Variants in ZNF888 observed in about 807,000 individuals in gnomAD.
ZNF888 encodes the protein CTD-2331H12.6.
In ZNF888, 5 loss-of-function variants were observed where a neutral mutation model predicts 7.2. The observed-to-expected ratio is 0.70, with a 90% CI of 0.36 to 1.46. ZNF888 has a LOEUF of 1.46. ZNF888 is among the 40% of genes most tolerant of loss of function. The pLI, the probability that ZNF888 is intolerant of heterozygous loss-of-function variation, is 0.03. For missense variants in ZNF888, 716 were observed against 858.0 expected (o/e 0.83, Z 2.07); for synonymous variants, 240 against 284.3 (o/e 0.84, Z 1.57).
In ZNF888 at chr19:52,906,074, T is replaced by G; in HGVS notation, c.*91A>C. The G allele has an allele frequency of 1.1e-5, 17 of 1,596,910 alleles. No homozygotes were observed. The highest frequency in any genetic ancestry group is 1.5e-5 in the Non-Finnish European group (17 of 1,165,530). On this transcript the variant is annotated 3_prime_UTR_variant, in exon 5 of 5. Transcript: ENST00000638862. ...CGATGTCTGAAAAATTTGCCACATT[T>G]ACTACACTTGTAAGATCTCTATTCA...
At chr19:52,918,165 CCCTT>C (rs2064772661) in intron 2 of ZNF888, 1 of 985,254 alleles carries the variant, frequency 1.0e-6, no homozygotes, top group African/African-American at 1.7e-5. Flanking sequence ...GAATGAGCTC[CCCTT>C]CAAGGCACAG....
At chr19:52,910,887 T>G (rs748132123) in intron 4 of ZNF888, among the ~76,000 whole-genome samples, 1 of 152,196 alleles carries the variant, frequency 6.6e-6, no homozygotes. Flanking sequence ...CCTCAAGTGA[T>G]TCTCCCTCCT....
At position 52,907,092 on chromosome 19, in the gene ZNF888, G is replaced by A. The variant is rs1600675111; in HGVS notation, c.1230C>T (p.Tyr410=). 7.4e-6 allele frequency: 12 copies of A among 1,612,238 alleles called. No homozygotes were observed. In the South Asian group the frequency reaches 1.3e-4, roughly 18 times the overall value. Residue 410 remains tyrosine (Y), a synonymous_variant, in exon 5 of 5, where the codon TAC becomes TAT. Transcript: ENST00000638862. ...HIVIHTREKP[Y]KCNECGKTFG... ...ACGTTTTGCCACACTCATTACACTTGTAAGGTTTCTCTCTAGTGTGAATTA... is the reference window on the plus strand; with the variant it reads ...ACGTTTTGCCACACTCATTACACTTATAAGGTTTCTCTCTAGTGTGAATTA...
At position 52,922,757 on chromosome 19, in the gene ZNF888, C is replaced by T. The variant is rs559794907; in HGVS notation, c.-178+612G>A. ...GGGTTTGGAGTAAGACGCCTGCATC[C>T]CAGAGAAGCGCATTTTCCAGGGGCT... On this transcript the variant is annotated intron_variant, in intron 1 of 4. Transcript: ENST00000638862. Among the ~76,000 whole-genome samples the T allele has an allele frequency of 5.3e-5, 8 of 152,274 alleles. No homozygotes were observed. The South Asian group carries it at 1.5e-3, about 28-fold the overall frequency.
In ZNF888 at chr19:52,913,799, T is replaced by C. The variant is rs1399132605; in HGVS notation, c.142+1397A>G. On this transcript the variant is annotated intron_variant, in intron 4 of 4. Coordinates refer to ENST00000638862, the MANE Select transcript of ZNF888 (RefSeq NM_001393938.1). ...ACTGGAATCATGCTTAAACCACTTA[T>C]ATGTTTACTAAGAACTAAAAGACAA... is the stretch of plus-strand genomic sequence containing the variant. The C allele has an allele frequency of 6.5e-6, 6 of 926,392 alleles. No individual in the cohort carries two copies. In the East Asian group the frequency reaches 4.7e-4, roughly 72 times the overall value. The allele number at this position is 926,392 out of a possible 1,614,324, so 57.4% of individuals were successfully genotyped here. A position where few individuals can be genotyped will look rare whatever the true frequency, so the allele number is the denominator to read the frequency against.
chr19:52,914,940 C>A (rs1156645995), intron 4 of ZNF888, among the ~76,000 whole-genome samples: 1 of 152,184 alleles, frequency 6.6e-6, no homozygotes, highest in African/African-American at 2.4e-5. Flanking sequence ...GGATGACAGG[C>A]GTGAGCCACC....
chr19:52,909,153 A>G (rs1220361226), intron 4 of ZNF888, among the ~76,000 whole-genome samples: 1 of 152,062 alleles, frequency 6.6e-6, no homozygotes, highest in African/African-American at 2.4e-5. Context: ...TCAAAAAAAA[A>G]AGAAAATGTT....
intron 4 of ZNF888, among the ~76,000 whole-genome samples, chr19:52,914,986 A>G (rs1052798208): frequency 6.6e-5 from 10 of 152,166 alleles, no homozygotes; most frequent in African/African-American, 1.9e-4. Context: ...TGCCTACTTT[A>G]GTCCTGGAAC....
rs953393956 is a variant in ZNF888, at chr19:52,905,140, G to A, written c.*1025C>T. 1.3e-5 allele frequency: 2 copies of A among 152,060 alleles called. No individual in the cohort carries two copies. The highest frequency in any genetic ancestry group is 2.9e-5 in the Non-Finnish European group (2 of 68,018). The allele number at this position is 152,060 out of a possible 1,614,324, so 9.4% of individuals were successfully genotyped here. A position where few individuals can be genotyped will look rare whatever the true frequency, so the allele number is the denominator to read the frequency against. ...TTGTTAAGTAATTATATAACCCAAT[G>A]TGATTTAGATTCAACACGGTACCCA... is the stretch of plus-strand genomic sequence containing the variant. On this transcript the variant is annotated 3_prime_UTR_variant, in exon 5 of 5. Coordinates refer to ENST00000638862, the MANE Select transcript of ZNF888 (RefSeq NM_001393938.1).
chr19:52,921,747 G>A, intron 1 of ZNF888: 1 of 565,706 alleles, frequency 1.8e-6, no homozygotes, highest in Non-Finnish European at 2.2e-6. Context: ...GACCTACATG[G>A]AGGAACCCCG....
Position 52,918,960 on chromosome 19 carries a change from C to CT in ZNF888, c.-177-24dup, listed in dbSNP as rs1555828854. On this transcript the variant is annotated intron_variant, in intron 1 of 4. Coordinates refer to ENST00000638862, the MANE Select transcript of ZNF888 (RefSeq NM_001393938.1). The stretch of plus-strand genomic sequence containing the variant: ...ACTCTGTTTGAAAAAAAAAAAAAAT[C>CT]TCCCTCTCCCTCCCCCTCCCTCTCC... 6.6e-4 allele frequency: 4 copies of CT among 6,098 alleles called. 2 individuals are homozygous for CT. Among genetic ancestry groups the CT allele is most frequent in the Non-Finnish European group, 1.1e-3 (4 of 3,644 alleles). The allele number at this position is 6,098 out of a possible 1,614,324, so 0.4% of individuals were successfully genotyped here.
intron 3 of ZNF888, chr19:52,917,218 T>C (rs1399534714): frequency 1.3e-5 from 2 of 156,320 alleles, no homozygotes; most frequent in African/African-American, 4.8e-5. Flanking sequence ...TTTGCTCTTG[T>C]TACCTGGGCT....
rs1330180815 is a variant in ZNF888, at chr19:52,919,768, G to A, written c.-177-831C>T. 1.5e-4 allele frequency among the ~76,000 whole-genome samples: 9 copies of A among 60,234 alleles called. 3 individuals are homozygous for A. The highest frequency in any genetic ancestry group is 2.8e-4 in the African/African-American group (5 of 17,712). 39.5% of individuals were successfully genotyped at this position (60,234 alleles called of 152,430 possible). On this transcript the variant is annotated intron_variant, in intron 1 of 4. Coordinates refer to ENST00000638862, the MANE Select transcript of ZNF888 (RefSeq NM_001393938.1). ...GAGATGTGGGGAGCACCTCTGCCCC[G>A]CCGCCCTGTCTGGGATGTGAGGAGC...
intron 3 of ZNF888, among the ~76,000 whole-genome samples, chr19:52,917,651 T>C (rs950148332): frequency 5.3e-5 from 8 of 152,108 alleles, no homozygotes; most frequent in African/African-American, 1.7e-4. Context: ...CCCAGGACCA[T>C]GCCTACTGCA....
intron 3 of ZNF888, among the ~76,000 whole-genome samples, chr19:52,916,494 A>T (rs10413978): frequency 0.2 from 30,005 of 151,146 alleles, 3,448 homozygotes; most frequent in Admixed American, 0.35. Flanking sequence ...GTACATATAT[A>T]TGTGTATGTA....
In ZNF888 at chr19:52,906,005, G is replaced by A. The variant is rs150964983; in HGVS notation, c.*160C>T. ...TTGCCTCAATCATGACATTTGTAAG[G>A]TTTCTCTCCAGTATGAGTTCACCCA... On this transcript the variant is annotated 3_prime_UTR_variant, in exon 5 of 5. Coordinates refer to ENST00000638862, the MANE Select transcript of ZNF888 (RefSeq NM_001393938.1). 1.8e-6 allele frequency: 2 copies of A among 1,133,440 alleles called. No homozygotes were observed. Among genetic ancestry groups the A allele is most frequent in the Non-Finnish European group, 2.7e-6 (2 of 749,462 alleles). The allele number at this position is 1,133,440 out of a possible 1,614,324, so 70.2% of individuals were successfully genotyped here. A position where few individuals can be genotyped will look rare whatever the true frequency, so the allele number is the denominator to read the frequency against.
intron 4 of ZNF888, among the ~76,000 whole-genome samples, chr19:52,914,103 C>T (rs1488272630): frequency 3.3e-5 from 5 of 152,130 alleles, no homozygotes; most frequent in African/African-American, 9.7e-5. Context: ...GTAGCCTTGG[C>T]GACAGAGTGA....
At chr19:52,911,370 G>T (rs1292043826) in intron 4 of ZNF888, among the ~76,000 whole-genome samples, 2 of 143,356 alleles carry the variant, frequency 1.4e-5, no homozygotes, top group Non-Finnish European at 3.0e-5. Flanking sequence ...ACGGAGTCTT[G>T]CTCTGTCGCC....
intron 4 of ZNF888, 35 bp from the exon 5 acceptor site, chr19:52,908,214 A>G (rs2064635297): frequency 1.3e-6 from 2 of 1,578,830 alleles, no homozygotes; most frequent in Non-Finnish European, 1.7e-6. Flanking sequence ...TTTCCAATTC[A>G]GTACAGATAA....
Sources: allele counts gnomAD v4.1 joint callset (sites outside exome capture counted in the v4.1 genomes callset), GRCh38; gene constraint gnomAD v4.1.1; transcripts MANE v1.5; gene names NCBI Gene and HGNC (gene_info 2026-07-23, HGNC 2026-07-21).